Variants in ENOX1 observed in about 807,000 individuals in gnomAD.
ENOX1 encodes ecto-NOX disulfide-thiol exchanger 1, also known as candidate growth-related and time keeping constitutive hydroquinone (NADH) oxidase.
A neutral mutation model predicts 82.5 loss-of-function variants in ENOX1; 42 were observed. The observed-to-expected ratio is 0.51, with a 90% CI of 0.40 to 0.66. ENOX1 has a LOEUF of 0.66. Ranked by LOEUF, ENOX1 falls within the 30% of genes least tolerant of loss-of-function variation. The pLI is 0.00. For synonymous variants in ENOX1, 271 were observed against 282.2 expected, an observed-to-expected ratio of 0.96 and a Z score of 0.40; for missense variants, 608 against 811.6, an observed-to-expected ratio of 0.75 and a Z score of 3.05.
chr13:43,263,069 T>G (rs1268238262), intron 14 of ENOX1, among the ~76,000 whole-genome samples: 2 of 152,172 alleles, frequency 1.3e-5, no homozygotes, highest in Non-Finnish European at 2.9e-5. Context: ...TTGCCAGTGC[T>G]CCTAATGTGA....
At chr13:43,313,586 G>C (rs1322915707) in intron 11 of ENOX1, among the ~76,000 whole-genome samples, 3 of 151,834 alleles carry the variant, frequency 2.0e-5, no homozygotes. Context: ...TTTTTGAAAT[G>C]CACAGAAAAA....
intron 12 of ENOX1, among the ~76,000 whole-genome samples, chr13:43,288,580 T>G (rs1035106529): frequency 5.3e-5 from 8 of 152,180 alleles, no homozygotes; most frequent in African/African-American, 1.7e-4. Context: ...TTAATAAGAT[T>G]TTCTTGCCCT....
In ENOX1 at chr13:43,355,925, G is replaced by A. The variant is rs745339739; in HGVS notation, c.817C>T (p.Leu273=). The A allele has an allele frequency of 6.2e-7, 1 of 1,612,250 alleles. No individual in the cohort carries two copies. Among genetic ancestry groups the A allele is most frequent in the Admixed American group, 1.7e-5 (1 of 59,966 alleles). ...EHEAALLAEK[L]KDDSKFSEAI... is the part of the protein sequence containing the mutation. ...CAGCGTGGGTGGCCCATACCTTTCA[G>A]CTTTTCAGCCAGCAGAGCGGCTTCG... is the stretch of plus-strand genomic sequence containing the variant. Residue 273 remains leucine (L), a synonymous_variant, in exon 8 of 17, where the codon CTG becomes TTG. Transcript: ENST00000690772.
intron 11 of ENOX1, among the ~76,000 whole-genome samples, chr13:43,302,829 C>T (rs1353542017): frequency 6.6e-6 from 1 of 152,138 alleles, no homozygotes; most frequent in Non-Finnish European, 1.5e-5. Context: ...TCTCTTTTAC[C>T]AGCCTGAGCC....
At chr13:43,623,901 A>T (rs909302444) in intron 2 of ENOX1, among the ~76,000 whole-genome samples, 1 of 152,162 alleles carries the variant, frequency 6.6e-6, no homozygotes, top group Non-Finnish European at 1.5e-5. Context: ...TTGTGTACAA[A>T]TTTTTGTGTA....
intron 5 of ENOX1, among the ~76,000 whole-genome samples, chr13:43,373,030 A>G (rs966304115): frequency 2.0e-5 from 3 of 152,244 alleles, no homozygotes; most frequent in Non-Finnish European, 4.4e-5. Flanking sequence ...CAAGGCTTCA[A>G]AGACTACCTG....
Position 43,412,063 on chromosome 13 carries a change from A to C in ENOX1, c.71-10T>G. 1 of 1,612,714 alleles carries C rather than the reference A, an allele frequency of 6.2e-7. No homozygotes were observed. The highest frequency in any genetic ancestry group is 8.5e-7 in the Non-Finnish European group (1 of 1,178,790). ...CCCAAACCATCGGCTGCTGTGGGGA[A>C]AAACAAACCATGATTTAGAGTCCAT... On this transcript the variant is annotated splice_polypyrimidine_tract_variant and intron_variant, in intron 4 of 16. Coordinates refer to ENST00000690772, the MANE Select transcript of ENOX1 (RefSeq NM_001347969.2).
rs1028106908 is a variant in ENOX1, at chr13:43,726,218, T to C, written c.-284-58674A>G. Among the ~76,000 whole-genome samples the C allele has an allele frequency of 4.7e-5, 7 of 149,460 alleles. No individual in the cohort carries two copies. In the South Asian group the frequency reaches 8.4e-4, roughly 18 times the overall value. On this transcript the variant is annotated intron_variant, in intron 1 of 16. Transcript: ENST00000690772. The stretch of plus-strand genomic sequence containing the variant: ...CTTTTGTTATGAAATTTTTCATCTT[T>C]TTTTTTTTTTTTTTGAGATGGAGTT...
intron 5 of ENOX1, 42 bp downstream of exon 5, chr13:43,411,874 C>G: frequency 6.2e-7 from 1 of 1,611,688 alleles, no homozygotes; most frequent in Non-Finnish European, 8.5e-7. Flanking sequence ...CTACACCCTT[C>G]GGCACTGCTG....
chr13:43,784,142 A>G (rs1952436352), intron 1 of ENOX1, among the ~76,000 whole-genome samples: 1 of 152,242 alleles, frequency 6.6e-6, no homozygotes, highest in Non-Finnish European at 1.5e-5. Context: ...TAACATATAT[A>G]CGAATAAATA....
At chr13:43,363,898 C>T (rs1366530265) in intron 5 of ENOX1, among the ~76,000 whole-genome samples, 7 of 152,240 alleles carry the variant, frequency 4.6e-5, no homozygotes, top group Middle Eastern at 3.4e-3. Context: ...GCAAGAGTTG[C>T]TTTGCTTTTT....
chr13:43,218,444 T>C (rs886994953), intron 16 of ENOX1, among the ~76,000 whole-genome samples: 5 of 152,148 alleles, frequency 3.3e-5, no homozygotes, highest in Middle Eastern at 3.4e-3. Flanking sequence ...CTGGGCAACA[T>C]AGAGAGACCC....
At chr13:43,271,665 A>C (rs1459424806) in intron 12 of ENOX1, among the ~76,000 whole-genome samples, 1 of 140,690 alleles carries the variant, frequency 7.1e-6, no homozygotes, top group Non-Finnish European at 1.6e-5. Context: ...CCTTCTATTA[A>C]AACACACACA....
chr13:43,287,477 G>C (rs1377521662), intron 12 of ENOX1, among the ~76,000 whole-genome samples: 1 of 152,188 alleles, frequency 6.6e-6, no homozygotes, highest in Non-Finnish European at 1.5e-5. Context: ...GAGGCACCTG[G>C]TCTCCAGGAG....
chr13:43,782,364 T>C (rs527715708), intron 1 of ENOX1, among the ~76,000 whole-genome samples: 1 of 152,354 alleles, frequency 6.6e-6, no homozygotes, highest in Admixed American at 6.5e-5. Context: ...AAACAAGTAC[T>C]TCTCCTAGAC....
intron 10 of ENOX1, among the ~76,000 whole-genome samples, chr13:43,323,251 G>A (rs1015964872): frequency 2.0e-5 from 3 of 152,166 alleles, no homozygotes; most frequent in African/African-American, 7.2e-5. Flanking sequence ...TATTGCACAC[G>A]GTCATGTTGG....
chr13:43,620,201 C>CT (rs909329684), intron 2 of ENOX1, among the ~76,000 whole-genome samples: 9 of 151,872 alleles, frequency 5.9e-5, no homozygotes, highest in African/African-American at 1.7e-4. Context: ...AAAGAACCGG[C>CT]TTTTTTTTCC....
intron 2 of ENOX1, among the ~76,000 whole-genome samples, chr13:43,511,955 A>C (rs1430167573): frequency 6.6e-6 from 1 of 152,110 alleles, no homozygotes; most frequent in African/African-American, 2.4e-5. Flanking sequence ...TATACAGCCT[A>C]TGGATATTAT....
intron 1 of ENOX1, among the ~76,000 whole-genome samples, chr13:43,684,094 T>TAAAAAA (rs2085940414): frequency 2.0e-4 from 1 of 5,054 alleles, no homozygotes; most frequent in African/African-American, 4.3e-4. Flanking sequence ...AGACTCTGTC[T>TAAAAAA]CAAAAAAAAA....
Sources: allele counts gnomAD v4.1 joint callset (sites outside exome capture counted in the v4.1 genomes callset), GRCh38; gene constraint gnomAD v4.1.1; transcripts MANE v1.5; gene names NCBI Gene and HGNC (gene_info 2026-07-23, HGNC 2026-07-21).